The following ABLIM1 variants were observed in gnomAD, a reference collection of about 807,000 sequenced individuals.
ABLIM1 encodes the protein actin binding LIM protein 1, also known as actin-binding LIM protein 1.
Under a neutral mutation model 107.0 loss-of-function variants are expected in ABLIM1, and 40 were observed. The ratio of observed to expected loss-of-function variants is 0.37; its 90% CI spans 0.29 to 0.49. The LOEUF is 0.49. Among genes scored for constraint, ABLIM1 ranks in the 20% least tolerant of loss-of-function variants. ABLIM1 has a pLI of 0.97. For missense variants in ABLIM1, 857 were observed against 1,008.5 expected, an observed-to-expected ratio of 0.85 and a Z score of 2.04; for synonymous variants, 357 against 357.3, an observed-to-expected ratio of 1.00 and a Z score of 0.01.
intron 1 of ABLIM1, among the ~76,000 whole-genome samples, chr10:114,734,496 C>G: frequency 6.6e-6 from 1 of 152,026 alleles, no homozygotes; most frequent in East Asian, 1.9e-4. Flanking sequence ...TTCAACACAA[C>G]ACCCCCGCAA....
intron 13 of ABLIM1, 145 bp downstream of exon 13, chr10:114,453,234 G>A: frequency 2.6e-6 from 2 of 763,174 alleles, no homozygotes; most frequent in Non-Finnish European, 4.3e-6. Context: ...CTTTTGAAAG[G>A]CCCCCTAGGT....
intron 5 of ABLIM1, among the ~76,000 whole-genome samples, chr10:114,545,938 A>AAC (rs1555167573): frequency 1.7e-5 from 2 of 115,426 alleles, no homozygotes; most frequent in Non-Finnish European, 4.2e-5. Flanking sequence ...CTCAAAAAAA[A>AAC]AAAACAAAAA....
chr10:114,641,430 T>C (rs1434729036), intron 1 of ABLIM1, among the ~76,000 whole-genome samples: 8 of 152,118 alleles, frequency 5.3e-5, no homozygotes, highest in Non-Finnish European at 1.0e-4. Flanking sequence ...CAAAAATCCT[T>C]GCCATGAAGG....
chr10:114,768,334 C>A (rs1385310343), upstream of ABLIM1, among the ~76,000 whole-genome samples: 1 of 148,322 alleles, frequency 6.7e-6, no homozygotes, highest in African/African-American at 2.4e-5. Flanking sequence ...CGCCCCGAGC[C>A]GCCGGGGCCC....
At chr10:114,618,142 C>G (rs1300442748) in intron 1 of ABLIM1, among the ~76,000 whole-genome samples, 2 of 152,156 alleles carry the variant, frequency 1.3e-5, no homozygotes, top group Admixed American at 6.6e-5. Flanking sequence ...AGATTCGGCT[C>G]TTACCAATAG....
chr10:114,700,877 G>A (rs1451276552), intron 1 of ABLIM1, among the ~76,000 whole-genome samples: 1 of 151,946 alleles, frequency 6.6e-6, no homozygotes, highest in Non-Finnish European at 1.5e-5. Context: ...CTGGGATTAG[G>A]CAAAAACTCC....
At chr10:114,551,361 T>C (rs2068037379) in intron 4 of ABLIM1, among the ~76,000 whole-genome samples, 2 of 152,222 alleles carry the variant, frequency 1.3e-5, no homozygotes, top group Non-Finnish European at 2.9e-5. Context: ...TGTTAGGGGA[T>C]AGAAAGTCTT....
intron 1 of ABLIM1, among the ~76,000 whole-genome samples, chr10:114,665,095 C>T (rs1428711928): frequency 2.1e-5 from 3 of 141,748 alleles, no homozygotes; most frequent in East Asian, 2.2e-4. Context: ...CCGGCCTCGG[C>T]GAAAGAGCGA....
chr10:114,556,764 A>G (rs954865365), intron 4 of ABLIM1, among the ~76,000 whole-genome samples: 1 of 152,178 alleles, frequency 6.6e-6, no homozygotes, highest in African/African-American at 2.4e-5. Context: ...GTCCCAAATC[A>G]GACACCTAGG....
At chr10:114,482,209 G>A (rs1332770661) in intron 8 of ABLIM1, among the ~76,000 whole-genome samples, 1 of 152,186 alleles carries the variant, frequency 6.6e-6, no homozygotes, top group East Asian at 1.9e-4. Flanking sequence ...GCTATTCATA[G>A]AAAACTTCCA....
chr10:114,489,842 G>A (rs774425087), intron 7 of ABLIM1, among the ~76,000 whole-genome samples: 22 of 152,204 alleles, frequency 1.4e-4, no homozygotes, highest in African/African-American at 1.9e-4. Flanking sequence ...CAAAGGCTAC[G>A]GAAGCACAAC....
chr10:114,751,485 C>T (rs808307), intron 1 of ABLIM1, among the ~76,000 whole-genome samples: 104,863 of 151,824 alleles, frequency 0.69, 36,384 homozygotes, highest in Non-Finnish European at 0.73. Context: ...GTCACAAGCA[C>T]CATTAAAAAT....
chr10:114,682,239 G>C (rs1418601804), intron 1 of ABLIM1, among the ~76,000 whole-genome samples: 3 of 152,110 alleles, frequency 2.0e-5, no homozygotes, highest in Non-Finnish European at 4.4e-5. Flanking sequence ...ATATCCTTTA[G>C]AGCAGAAGGT....
intron 6 of ABLIM1, among the ~76,000 whole-genome samples, chr10:114,501,516 G>A (rs772728517): frequency 6.6e-6 from 1 of 152,114 alleles, no homozygotes; most frequent in Non-Finnish European, 1.5e-5. Context: ...CAAGGCTAAC[G>A]ACTAGATCAT....
intron 2 of ABLIM1, among the ~76,000 whole-genome samples, chr10:114,589,606 G>A (rs1028430269): frequency 6.6e-6 from 1 of 151,714 alleles, no homozygotes; most frequent in Non-Finnish European, 1.5e-5. Flanking sequence ...TCACAGGTGC[G>A]ATCATAGTCC....
At position 114,547,728 on chromosome 10, in the gene ABLIM1, G is replaced by T. The variant is rs977528786; in HGVS notation, c.722C>A (p.Ala241Glu). 6.2e-7 allele frequency: 1 copy of T among 1,613,094 alleles called. No homozygotes were observed. Among genetic ancestry groups the T allele is most frequent in the Non-Finnish European group, 8.5e-7 (1 of 1,180,028 alleles). Residue 241 changes from alanine to glutamate, a missense_variant, in exon 5 of 23, where the codon GCG (alanine) becomes GAG (glutamate). By Grantham distance (107) the Ala-to-Glu change is moderately radical. Transcript: ENST00000533213. ...CCCCAAGTGCCACTGCTTATCCAGC[G>T]CCAGCAGCGCCTGCCCATTCTTGAT... Reference protein sequence around the residue: ...RDIKNGQALLALDKQWHLGCF... With the variant: ...RDIKNGQALLELDKQWHLGCF...
intron 1 of ABLIM1, among the ~76,000 whole-genome samples, chr10:114,737,654 G>T (rs1232534215): frequency 1.3e-5 from 2 of 152,112 alleles, no homozygotes; most frequent in Admixed American, 6.5e-5. Flanking sequence ...CACACCTCAA[G>T]ATGATGTACT....
At chr10:114,716,842 T>TAAAAAAAAAAA (rs34567416) in intron 1 of ABLIM1, among the ~76,000 whole-genome samples, 1 of 134,558 alleles carries the variant, frequency 7.4e-6, no homozygotes, top group Non-Finnish European at 1.6e-5. Context: ...CTGGAACTGT[T>TAAAAAAAAAAA]AAAAAAAAAA....
At chr10:114,601,049 TACACACAC>T (rs59709817) in intron 2 of ABLIM1, among the ~76,000 whole-genome samples, 3,078 of 128,452 alleles carry the variant, frequency 0.024, 70 homozygotes, top group African/African-American at 0.046. Flanking sequence ...CACATCTCAA[TACACACAC>T]ACACACACAC....
Sources: gnomAD v4.1 joint callset for allele counts (sites outside exome capture counted in the v4.1 genomes callset) on GRCh38, gnomAD v4.1.1 for gene constraint, MANE v1.5 for transcripts, NCBI Gene and HGNC (gene_info 2026-07-23, HGNC 2026-07-21) for gene names.